EMC6: variants seen among roughly 807,000 people sequenced by gnomAD.
The protein encoded by EMC6 is ER membrane protein complex subunit 6, also known as transmembrane protein 93.
A neutral mutation model predicts 6.5 loss-of-function variants in EMC6; 1 was observed. That is an observed-to-expected ratio of 0.15 (90% CI 0.05 to 0.73). The LOEUF is 0.73. EMC6 is among the 30% of genes least tolerant of loss of function. EMC6 has a pLI of 0.78. For missense variants in EMC6, 114 were observed against 146.7 expected (o/e 0.78, Z 1.15); for synonymous variants, 96 against 74.3 (o/e 1.29, Z -1.50).
chr17:3,669,556 C>T lies in EMC6; in HGVS notation c.*77C>T. ...CAGCAATTAACACCATGTAGACTTC[C>T]TTAGTTCTTAAGTGGTTGAATTCGC... On this transcript the variant is annotated 3_prime_UTR_variant, in exon 2 of 2. Transcript: ENST00000248378. The T allele has an allele frequency of 1.6e-6, 2 of 1,214,092 alleles. No individual in the cohort carries two copies. Among genetic ancestry groups the T allele is most frequent in the Non-Finnish European group, 2.3e-6 (2 of 867,934 alleles). The allele number at this position is 1,214,092 out of a possible 1,614,324, so 75.2% of individuals were successfully genotyped here. A position where few individuals can be genotyped will look rare whatever the true frequency, so the allele number is the denominator to read the frequency against.
rs2049972233 is a variant in EMC6 at position 3,669,112 on chromosome 17, G to T, written c.-35G>T. The stretch of plus-strand genomic sequence containing the variant: ...TTTCTCCGCAGCTCCGCGTTGTTCC[G>T]CGAGAAAGCGAGAGGCCGAGCCCGG... On this transcript the variant is annotated 5_prime_UTR_variant, in exon 2 of 2. Transcript: ENST00000248378. The T allele has an allele frequency of 3.4e-6, 5 of 1,461,180 alleles. No individual in the cohort carries two copies. The highest frequency in any genetic ancestry group is 1.4e-5 in the African/African-American group (1 of 70,664). 90.5% of individuals were successfully genotyped at this position (1,461,180 alleles called of 1,614,324 possible).
rs1405497416 is a variant in EMC6 at position 3,669,251 on chromosome 17, G to T, written c.105G>T (p.Ala35=). 6.2e-7 allele frequency: 1 copy of T among 1,613,456 alleles called. No individual in the cohort carries two copies. Among genetic ancestry groups the T allele is most frequent in the Non-Finnish European group, 8.5e-7 (1 of 1,179,948 alleles). The change falls in exon 2 of 2, where the codon GCG becomes GCT. Residue 35 remains alanine (A), a synonymous_variant. Coordinates refer to ENST00000248378, the MANE Select transcript of EMC6 (RefSeq NM_031298.4). ...ATTATTGCCGGACCTCGGTGTCAGC[G>T]CTGTCGGGGGCCACGGCCGGCATCC... The part of the protein sequence containing the change: ...VLDYCRTSVS[A]LSGATAGILG...
In EMC6 at chr17:3,669,203, G is replaced by A. The variant is rs778357173; in HGVS notation, c.57G>A (p.Val19=). 2 of 1,594,342 alleles carry A rather than the reference G, an allele frequency of 1.3e-6. No homozygotes were observed. Among genetic ancestry groups the A allele is most frequent in the Non-Finnish European group, 1.7e-6 (2 of 1,170,032 alleles). Residue 19 remains valine, a synonymous_variant, in exon 2 of 2, where the codon GTG becomes GTA. Transcript: ENST00000248378. ...CGCCGTTCATCAGCGAGGCGGCCGTGCGGGGCAACGCCGCCGTCCTGGATT... is the reference window on the plus strand; with the variant it reads ...CGCCGTTCATCAGCGAGGCGGCCGTACGGGGCAACGCCGCCGTCCTGGATT... ...EGPPFISEAA[V]RGNAAVLDYC...
chr17:3,669,522 G>C lies in EMC6; in HGVS notation c.*43G>C. The C allele has an allele frequency of 6.6e-7, 1 of 1,518,062 alleles. No homozygotes were observed. Among genetic ancestry groups the C allele is most frequent in the African/African-American group, 1.4e-5 (1 of 72,130 alleles). 94.0% of individuals were successfully genotyped at this position (1,518,062 alleles called of 1,614,324 possible). ...CTTTTTTAAAAAACCAGATCGGGAG[G>C]ACTGTGGCCAGCAATTAACACCATG... On this transcript the variant is annotated 3_prime_UTR_variant, in exon 2 of 2. Transcript: ENST00000248378.
At position 3,669,401 on chromosome 17, in the gene EMC6, T is replaced by C. The variant is rs2049978941; in HGVS notation, c.255T>C (p.Phe85=). 1 of 1,614,032 alleles carries C rather than the reference T, an allele frequency of 6.2e-7. No individual in the cohort carries two copies. The highest frequency in any genetic ancestry group is 1.3e-5 in the African/African-American group (1 of 75,048). ...NKYFKSRRPL[F]TGGLIGGLFT... is the part of the protein sequence containing the mutation. Reference sequence around the variant, plus strand: ...ATTTCAAATCACGGAGACCTCTCTTTACAGGAGGCCTCATCGGGGGCCTCT... The same window carrying C: ...ATTTCAAATCACGGAGACCTCTCTTCACAGGAGGCCTCATCGGGGGCCTCT... The change falls in exon 2 of 2, where the codon TTT becomes TTC. Residue 85 remains phenylalanine (F), a synonymous_variant. Coordinates refer to ENST00000248378, the MANE Select transcript of EMC6 (RefSeq NM_031298.4).
chr17:3,669,120 G>C lies in EMC6; in HGVS notation c.-27G>C. On this transcript the variant is annotated 5_prime_UTR_variant, in exon 2 of 2. Coordinates refer to ENST00000248378, the MANE Select transcript of EMC6 (RefSeq NM_031298.4). ...CAGCTCCGCGTTGTTCCGCGAGAAAGCGAGAGGCCGAGCCCGGGCTGGTGC... is the reference window on the plus strand; with the variant it reads ...CAGCTCCGCGTTGTTCCGCGAGAAACCGAGAGGCCGAGCCCGGGCTGGTGC... 1.4e-6 allele frequency: 2 copies of C among 1,468,794 alleles called. No individual in the cohort carries two copies. The highest frequency in any genetic ancestry group is 1.8e-6 in the Non-Finnish European group (2 of 1,112,878). 91.0% of individuals were successfully genotyped at this position (1,468,794 alleles called of 1,614,324 possible).
chr17:3,669,020 A>G, intron 1 of EMC6, 78 bp from the exon 2 acceptor site: 1 of 884,128 alleles, frequency 1.1e-6, no homozygotes, highest in Non-Finnish European at 1.7e-6. Flanking sequence ...CAGGTCTCGG[A>G]AGCTCCAGGG....
At position 3,669,124 on chromosome 17, in the gene EMC6, G is replaced by A. The variant is rs1384124997; in HGVS notation, c.-23G>A. On this transcript the variant is annotated 5_prime_UTR_variant, in exon 2 of 2. Transcript: ENST00000248378. ...TCCGCGTTGTTCCGCGAGAAAGCGA[G>A]AGGCCGAGCCCGGGCTGGTGCGATG... 1.4e-6 allele frequency: 2 copies of A among 1,471,914 alleles called. No homozygotes were observed. The highest frequency in any genetic ancestry group is 1.8e-6 in the Non-Finnish European group (2 of 1,114,232). The allele number at this position is 1,471,914 out of a possible 1,614,324, so 91.2% of individuals were successfully genotyped here.
In EMC6 at chr17:3,669,174, G is replaced by C. The variant is rs2049973660; in HGVS notation, c.28G>C (p.Gly10Arg). The C allele has an allele frequency of 1.3e-6, 2 of 1,553,140 alleles. No homozygotes were observed. Among genetic ancestry groups the C allele is most frequent in the Non-Finnish European group, 1.7e-6 (2 of 1,149,012 alleles). The change falls in exon 2 of 2, where the codon GGG becomes CGG. Residue 10 changes from glycine to arginine, a missense_variant. Transcript: ENST00000248378. ...GGCCGCGGTGGTGGCCAAGCGGGAA[G>C]GGCCGCCGTTCATCAGCGAGGCGGC... MAAVVAKRE[G>R]PPFISEAAVR...
At position 3,669,565 on chromosome 17, in the gene EMC6, T is replaced by TC. The variant is rs1433936932; in HGVS notation, c.*86_*87insC. 1 of 1,100,714 alleles carries TC rather than the reference T, an allele frequency of 9.1e-7. No individual in the cohort carries two copies. Among genetic ancestry groups the TC allele is most frequent in the African/African-American group, 1.6e-5 (1 of 63,498 alleles). The allele number at this position is 1,100,714 out of a possible 1,614,324, so 68.2% of individuals were successfully genotyped here. On this transcript the variant is annotated 3_prime_UTR_variant, in exon 2 of 2. Transcript: ENST00000248378. ...ACACCATGTAGACTTCCTTAGTTCT[T>TC]AAGTGGTTGAATTCGCTGCTTGTTC... is the stretch of plus-strand genomic sequence containing the variant.
At chr17:3,669,003 C>A in intron 1 of EMC6, 95 bp from the exon 2 acceptor site, 1 of 762,230 alleles carries the variant, frequency 1.3e-6, no homozygotes, top group Non-Finnish European at 2.0e-6. Flanking sequence ...AGGCCCAGGA[C>A]TGGTGCCAGG....
Position 3,669,174 on chromosome 17 carries a change from G to A in EMC6, c.28G>A (p.Gly10Arg). 1 of 1,553,258 alleles carries A rather than the reference G, an allele frequency of 6.4e-7. No individual in the cohort carries two copies. Residue 10 changes from glycine (G) to arginine (R), a missense_variant, in exon 2 of 2, where the codon GGG becomes AGG. Gly to Arg is a moderately radical substitution (Grantham distance 125). Coordinates refer to ENST00000248378, the MANE Select transcript of EMC6 (RefSeq NM_031298.4). MAAVVAKRE[G>R]PPFISEAAVR... ...GGCCGCGGTGGTGGCCAAGCGGGAA[G>A]GGCCGCCGTTCATCAGCGAGGCGGC... is the stretch of plus-strand genomic sequence containing the variant.
intron 1 of EMC6, 54 bp from the exon 2 acceptor site, chr17:3,669,044 T>A: frequency 8.7e-7 from 1 of 1,151,942 alleles, no homozygotes; most frequent in Non-Finnish European, 1.2e-6. Flanking sequence ...GGGGGCGGCG[T>A]GAACCCAACT....
In EMC6 at chr17:3,669,616, T is replaced by A; in HGVS notation, c.*137T>A. 1 of 672,082 alleles carries A rather than the reference T, an allele frequency of 1.5e-6. No homozygotes were observed. The highest frequency in any genetic ancestry group is 1.8e-5 in the African/African-American group (1 of 54,346). 41.6% of individuals were successfully genotyped at this position (672,082 alleles called of 1,614,324 possible). ...TGTAACGTTATAAATAATTTATATCTGAAGACGGAGAGCCTGTAATATTCT... is the reference window on the plus strand; with the variant it reads ...TGTAACGTTATAAATAATTTATATCAGAAGACGGAGAGCCTGTAATATTCT... On this transcript the variant is annotated 3_prime_UTR_variant, in exon 2 of 2. Coordinates refer to ENST00000248378, the MANE Select transcript of EMC6 (RefSeq NM_031298.4).
In EMC6 at chr17:3,669,399, T is replaced by C; in HGVS notation, c.253T>C (p.Phe85Leu). 1 of 1,614,028 alleles carries C rather than the reference T, an allele frequency of 6.2e-7. No homozygotes were observed. Among genetic ancestry groups the C allele is most frequent in the Non-Finnish European group, 8.5e-7 (1 of 1,180,024 alleles). The change falls in exon 2 of 2, where the codon TTT becomes CTT. Residue 85 changes from phenylalanine to leucine, a missense_variant. Physicochemically the swap from Phe to Leu is conservative, Grantham distance 22. Transcript: ENST00000248378. ...NKYFKSRRPL[F>L]TGGLIGGLFT... ...ATATTTCAAATCACGGAGACCTCTC[T>C]TTACAGGAGGCCTCATCGGGGGCCT...
chr17:3,668,932 C>T lies in EMC6; in HGVS notation c.-50+33C>T. 1.0e-5 allele frequency: 6 copies of T among 571,558 alleles called. No individual in the cohort carries two copies. The highest frequency in any genetic ancestry group is 3.4e-5 in the Admixed American group (1 of 29,340). The allele number at this position is 571,558 out of a possible 1,614,324, so 35.4% of individuals were successfully genotyped here. A position where few individuals can be genotyped will look rare whatever the true frequency, so the allele number is the denominator to read the frequency against. On this transcript the variant is annotated intron_variant, in intron 1 of 1. Coordinates refer to ENST00000248378, the MANE Select transcript of EMC6 (RefSeq NM_031298.4). This position sits in a 1 kb window ranked among gnomAD's most constrained non-coding sequence, Gnocchi z 4.1. ...GGCCACCGTGGCCGGGGAACGCAGA[C>T]GCGCCACCACCTCCCGGCCGGCCCG...
chr17:3,669,222 C>T lies in EMC6; in HGVS notation c.76C>T (p.Leu26=), dbSNP rs959846545. 16 of 1,610,692 alleles carry T rather than the reference C, an allele frequency of 9.9e-6. No individual in the cohort carries two copies. The African/African-American group carries it at 1.6e-4, about 16-fold the overall frequency. The part of the protein sequence containing the change: ...EAAVRGNAAV[L]DYCRTSVSAL... ...GGCCGTGCGGGGCAACGCCGCCGTC[C>T]TGGATTATTGCCGGACCTCGGTGTC... Residue 26 remains leucine (L), a synonymous_variant, in exon 2 of 2, where the codon CTG becomes TTG. Coordinates refer to ENST00000248378, the MANE Select transcript of EMC6 (RefSeq NM_031298.4).
Position 3,669,552 on chromosome 17 carries a change from CTT to C in EMC6, c.*74_*75del. The C allele has an allele frequency of 8.0e-7, 1 of 1,246,086 alleles. No individual in the cohort carries two copies. Among genetic ancestry groups the C allele is most frequent in the East Asian group, 2.4e-5 (1 of 42,322 alleles). The allele number at this position is 1,246,086 out of a possible 1,614,324, so 77.2% of individuals were successfully genotyped here. A position where few individuals can be genotyped will look rare whatever the true frequency, so the allele number is the denominator to read the frequency against. On this transcript the variant is annotated 3_prime_UTR_variant, in exon 2 of 2. Coordinates refer to ENST00000248378, the MANE Select transcript of EMC6 (RefSeq NM_031298.4). ...TGGCCAGCAATTAACACCATGTAGA[CTT>C]CCTTAGTTCTTAAGTGGTTGAATTC...
chr17:3,668,891 G>A lies in EMC6; in HGVS notation c.-58G>A, dbSNP rs1171195470. 2 of 554,034 alleles carry A rather than the reference G, an allele frequency of 3.6e-6. No individual in the cohort carries two copies. The highest frequency in any genetic ancestry group is 3.5e-5 in the Admixed American group (1 of 28,870). 34.3% of individuals were successfully genotyped at this position (554,034 alleles called of 1,614,324 possible). Reference sequence around the variant, plus strand: ...AACGCTAAGTAGTGTGTCCGGCGCCGTGTTCCAGGTAACTGGGCCACCGTG... The same window carrying A: ...AACGCTAAGTAGTGTGTCCGGCGCCATGTTCCAGGTAACTGGGCCACCGTG... On this transcript the variant is annotated 5_prime_UTR_variant, in exon 1 of 2. It adds an upstream start codon to the 5' untranslated region. Coordinates refer to ENST00000248378, the MANE Select transcript of EMC6 (RefSeq NM_031298.4). The surrounding 1 kb of genome is among the most constrained non-coding windows in gnomAD (Gnocchi z 4.1).
Sources: allele counts gnomAD v4.1 joint callset, GRCh38; gene constraint gnomAD v4.1.1; non-coding constraint Gnocchi (gnomAD v3.1); transcripts MANE v1.5; gene names NCBI Gene and HGNC (gene_info 2026-07-23, HGNC 2026-07-21).